Variants in FBN2 observed in about 807,000 individuals in gnomAD.
FBN2 encodes the protein fibrillin 2.
In FBN2, 105 loss-of-function variants were observed where a neutral mutation model predicts 355.6. The ratio of observed to expected loss-of-function variants is 0.30; its 90% confidence interval spans 0.25 to 0.35. The LOEUF is 0.35. Ranked by LOEUF, FBN2 falls within the 10% of genes least tolerant of loss-of-function variation. The probability of loss-of-function intolerance (pLI) is 1.00; values close to 1 mark genes in which losing one functional copy is unlikely to be tolerated. For synonymous variants in FBN2, 1,350 were observed against 1,301.2 expected (o/e 1.04, Z -0.81); for missense variants, 3,280 against 3,758.7 (o/e 0.87, Z 3.33).
chr5:128,415,734 A>G (rs554632817), intron 7 of FBN2, among the ~76,000 whole-genome samples: 1 of 152,292 alleles, frequency 6.6e-6, no homozygotes, highest in East Asian at 1.9e-4. Context: ...GAACTGCCAG[A>G]TCACATGGCA....
At chr5:128,305,778 T>C (rs1581203463) in intron 43 of FBN2, 45 bp downstream of exon 43, 1 of 1,609,184 alleles carries the variant, frequency 6.2e-7, no homozygotes, top group African/African-American at 1.3e-5. Context: ...GCTATATATG[T>C]ATACCAAATT....
chr5:128,492,384 G>A (rs1379386525), intron 5 of FBN2, among the ~76,000 whole-genome samples: 1 of 152,166 alleles, frequency 6.6e-6, no homozygotes, highest in Non-Finnish European at 1.5e-5. Flanking sequence ...TGATTAAGGA[G>A]ACCTCTGAAT....
intron 37 of FBN2, among the ~76,000 whole-genome samples, chr5:128,312,421 T>C (rs552767185): frequency 2.0e-5 from 3 of 152,328 alleles, no homozygotes; most frequent in Non-Finnish European, 4.4e-5. Context: ...TAAAAATTAT[T>C]TTTTTAACAT....
At chr5:128,259,874 C>T (rs1764922066) in intron 64 of FBN2, 45 bp from the exon 65 acceptor site, 1 of 1,606,254 alleles carries the variant, frequency 6.2e-7, no homozygotes, top group Non-Finnish European at 8.5e-7. Context: ...TTCTACAGCA[C>T]AAGCAGAGGA....
chr5:128,517,393 G>A (rs934238094), intron 5 of FBN2, among the ~76,000 whole-genome samples: 7 of 152,032 alleles, frequency 4.6e-5, no homozygotes, highest in African/African-American at 1.7e-4. Context: ...TAAACTTAGC[G>A]TTATCTAAGA....
chr5:128,377,482 G>A (rs1480865428), intron 13 of FBN2, among the ~76,000 whole-genome samples: 1 of 151,296 alleles, frequency 6.6e-6, no homozygotes, highest in East Asian at 1.9e-4. Context: ...AATTTAACTT[G>A]TAACACACAG....
At chr5:128,346,214 T>C (rs890947788) in intron 23 of FBN2, among the ~76,000 whole-genome samples, 2 of 152,238 alleles carry the variant, frequency 1.3e-5, no homozygotes, top group African/African-American at 4.8e-5. Flanking sequence ...TAGCCTGTGC[T>C]AGCCAGGACC....
intron 17 of FBN2, 30 bp downstream of exon 17, chr5:128,366,344 GATT>G (rs771772203): frequency 1.6e-6 from 2 of 1,217,526 alleles, no homozygotes; most frequent in Non-Finnish European, 2.4e-6. Flanking sequence ...TATGTCACGT[GATT>G]ATTATAAAGT....
At chr5:128,418,082 A>G (rs1307291040) in intron 7 of FBN2, among the ~76,000 whole-genome samples, 3 of 152,172 alleles carry the variant, frequency 2.0e-5, no homozygotes, top group South Asian at 2.1e-4. Context: ...AGATTTATCT[A>G]TTTCTTCTAG....
At chr5:128,448,658 T>A (rs1754140801) in intron 6 of FBN2, among the ~76,000 whole-genome samples, 1 of 152,152 alleles carries the variant, frequency 6.6e-6, no homozygotes, top group Admixed American at 6.5e-5. Flanking sequence ...TATTGTAATA[T>A]TGTAAATATT....
At chr5:128,343,072 G>A (rs1028169301) in intron 25 of FBN2, among the ~76,000 whole-genome samples, 6 of 152,176 alleles carry the variant, frequency 3.9e-5, no homozygotes, top group Non-Finnish European at 7.3e-5. Context: ...GTGTGAGAAG[G>A]ATGCAGGCAA....
At chr5:128,354,733 G>C (rs1751457775) in intron 20 of FBN2, among the ~76,000 whole-genome samples, 1 of 152,182 alleles carries the variant, frequency 6.6e-6, no homozygotes, top group Admixed American at 6.5e-5. Flanking sequence ...GTTTTAAGGG[G>C]TGGCAGCTAG....
chr5:128,535,415 A>C (rs1012424563), intron 2 of FBN2, among the ~76,000 whole-genome samples: 1 of 152,180 alleles, frequency 6.6e-6, no homozygotes, highest in African/African-American at 2.4e-5. Context: ...TCACAGTTGC[A>C]TAATTATTTT....
chr5:128,507,650 C>T (rs1459410754), intron 5 of FBN2, among the ~76,000 whole-genome samples: 7 of 151,848 alleles, frequency 4.6e-5, no homozygotes, highest in Non-Finnish European at 1.0e-4. Context: ...AATTATTTAC[C>T]TTATTTTTGC....
intron 5 of FBN2, among the ~76,000 whole-genome samples, chr5:128,483,927 T>C (rs1280392684): frequency 6.6e-6 from 1 of 152,192 alleles, no homozygotes; most frequent in Non-Finnish European, 1.5e-5. Flanking sequence ...CACTCTGGTG[T>C]CTGACTTCAG....
intron 5 of FBN2, among the ~76,000 whole-genome samples, chr5:128,472,997 G>A (rs542334241): frequency 2.6e-5 from 4 of 152,184 alleles, no homozygotes; most frequent in East Asian, 3.9e-4. Flanking sequence ...AAATATTCAC[G>A]TGCGACATTG....
intron 8 of FBN2, among the ~76,000 whole-genome samples, chr5:128,396,512 T>C (rs1386563832): frequency 1.3e-5 from 2 of 152,184 alleles, no homozygotes. Context: ...AGTCTGTGCA[T>C]TATCCAGTAG....
intron 15 of FBN2, among the ~76,000 whole-genome samples, chr5:128,373,117 T>C (rs1182669271): frequency 6.6e-6 from 1 of 152,210 alleles, no homozygotes; most frequent in Non-Finnish European, 1.5e-5. Flanking sequence ...AAATTTCCAA[T>C]GTGTTTCCTG....
At chr5:128,474,336 A>C (rs1754952936) in intron 5 of FBN2, among the ~76,000 whole-genome samples, 1 of 152,226 alleles carries the variant, frequency 6.6e-6, no homozygotes, top group Non-Finnish European at 1.5e-5. Flanking sequence ...GATTAACACA[A>C]AAGATGGATC....
Sources: allele counts gnomAD v4.1 joint callset (sites outside exome capture counted in the v4.1 genomes callset), GRCh38; gene constraint gnomAD v4.1.1; transcripts MANE v1.5; gene names NCBI Gene and HGNC (gene_info 2026-07-23, HGNC 2026-07-21).